CALD1: variants seen among roughly 807,000 people sequenced by gnomAD.
CALD1 encodes caldesmon.
Under a neutral mutation model 99.9 loss-of-function variants are expected in CALD1, and 33 were observed. The observed-to-expected ratio is 0.33, with a 90% CI of 0.25 to 0.44. CALD1 has a LOEUF of 0.44. Among genes scored for constraint, CALD1 ranks in the 20% least tolerant of loss-of-function variants. The pLI, the probability that CALD1 is intolerant of heterozygous loss-of-function variation, is 1.00. For missense variants in CALD1, 861 were observed against 962.1 expected (o/e 0.89, Z 1.39); for synonymous variants, 310 against 325.0 (o/e 0.95, Z 0.50).
chr7:134,947,411 A>T, intron 7 of CALD1, 97 bp from the exon 8 acceptor site: 1 of 1,254,070 alleles, frequency 8.0e-7, no homozygotes, highest in Non-Finnish European at 1.1e-6. Context: ...GTGGGTATTT[A>T]GTCGGGGATG....
chr7:134,881,668 C>G (rs898806083), intron 3 of CALD1, among the ~76,000 whole-genome samples: 1 of 152,194 alleles, frequency 6.6e-6, no homozygotes, highest in Non-Finnish European at 1.5e-5. Context: ...GGAATTTTCA[C>G]ACTTCTAACC....
intron 1 of CALD1, among the ~76,000 whole-genome samples, chr7:134,784,458 A>T (rs1585923798): frequency 6.6e-6 from 1 of 152,376 alleles, no homozygotes; most frequent in East Asian, 1.9e-4. Context: ...CAGGAGGACC[A>T]GTCTAAGCCA....
chr7:134,961,339 T>C (rs1808248172), intron 13 of CALD1: 1 of 152,238 alleles, frequency 6.6e-6, no homozygotes, highest in Admixed American at 6.5e-5. Flanking sequence ...AGCTCCCCAC[T>C]GTATATTGCT....
chr7:134,812,061 G>A (rs960680635), intron 1 of CALD1, among the ~76,000 whole-genome samples: 1 of 152,162 alleles, frequency 6.6e-6, no homozygotes, highest in Non-Finnish European at 1.5e-5. Context: ...TTATGTTTAA[G>A]GGACTTAAGG....
chr7:134,808,839 A>G (rs1265092362), intron 1 of CALD1, among the ~76,000 whole-genome samples: 5 of 152,222 alleles, frequency 3.3e-5, no homozygotes, highest in African/African-American at 2.4e-5. Context: ...CCTAGGGTGC[A>G]GATTAGAATT....
At chr7:134,764,920 T>C (rs1028097789) in intron 1 of CALD1, among the ~76,000 whole-genome samples, 1 of 152,158 alleles carries the variant, frequency 6.6e-6, no homozygotes. Context: ...AGCAGAGGGA[T>C]GATTATTGAT....
intron 3 of CALD1, among the ~76,000 whole-genome samples, chr7:134,876,192 G>A (rs1801342407): frequency 3.3e-5 from 5 of 152,148 alleles, no homozygotes; most frequent in Admixed American, 1.3e-4. Flanking sequence ...ACCTCCGTCC[G>A]CAGACCTCCT....
chr7:134,803,270 T>G (rs920845156), intron 1 of CALD1, among the ~76,000 whole-genome samples: 1 of 152,182 alleles, frequency 6.6e-6, no homozygotes, highest in African/African-American at 2.4e-5. Flanking sequence ...TTATACTTTC[T>G]GGATACAAGT....
intron 4 of CALD1, among the ~76,000 whole-genome samples, chr7:134,931,789 A>T (rs1237137012): frequency 6.6e-6 from 1 of 152,210 alleles, no homozygotes; most frequent in Non-Finnish European, 1.5e-5. Flanking sequence ...TTTAAAATAA[A>T]TGTCAAATTT....
intron 3 of CALD1, among the ~76,000 whole-genome samples, chr7:134,913,288 GCT>G (rs1281344672): frequency 6.6e-6 from 1 of 151,976 alleles, no homozygotes; most frequent in African/African-American, 2.4e-5. Flanking sequence ...AAAAAATTAG[GCT>G]ATGACTGTCA....
chr7:134,784,586 A>C (rs1270082614), intron 1 of CALD1, among the ~76,000 whole-genome samples: 2 of 152,262 alleles, frequency 1.3e-5, no homozygotes, highest in Admixed American at 1.3e-4. Flanking sequence ...TGGATGAATA[A>C]GGTGAAGTCT....
intron 1 of CALD1, among the ~76,000 whole-genome samples, chr7:134,748,447 C>T (rs542495477): frequency 2.0e-5 from 3 of 152,212 alleles, no homozygotes; most frequent in Admixed American, 1.3e-4. Flanking sequence ...CACTGGCTCA[C>T]GCCTATAATC....
intron 8 of CALD1, among the ~76,000 whole-genome samples, chr7:134,948,565 A>G (rs762594620): frequency 6.6e-6 from 1 of 152,186 alleles, no homozygotes; most frequent in Non-Finnish European, 1.5e-5. Flanking sequence ...AGTTTGAGTG[A>G]CTTATTTGAA....
rs1028611790 is a variant in CALD1 at position 134,783,948 on chromosome 7, C to T, written c.-130+4199C>T. 2.0e-5 allele frequency among the ~76,000 whole-genome samples: 3 copies of T among 151,966 alleles called. No individual in the cohort carries two copies. Among genetic ancestry groups the T allele is most frequent in the African/African-American group, 4.8e-5 (2 of 41,366 alleles). ...AAGAAGCAATTTTCTATGGGGAGCT[C>T]GTGGGGGCTAGAGAAATCCAGGAAT... is the stretch of plus-strand genomic sequence containing the variant. On this transcript the variant is annotated intron_variant, in intron 1 of 14. Coordinates refer to ENST00000361675, the MANE Select transcript of CALD1 (RefSeq NM_033138.4). The surrounding 1 kb of genome is among the most constrained non-coding windows in gnomAD (Gnocchi z 4.3).
intron 13 of CALD1, chr7:134,962,515 T>C: frequency 4.2e-6 from 1 of 239,082 alleles, no homozygotes; most frequent in Non-Finnish European, 8.5e-6. Context: ...TAGATTTTAG[T>C]GAGATCCTTC....
At chr7:134,726,018 C>G in the CALD1 span, among the ~76,000 whole-genome samples, 4 of 152,104 alleles carry the variant, frequency 2.6e-5, no homozygotes, top group African/African-American at 9.7e-5. Flanking sequence ...TTGTTTTAAG[C>G]TACTAAATTT....
At chr7:134,931,740 G>A (rs1805536550) in intron 4 of CALD1, among the ~76,000 whole-genome samples, 1 of 152,188 alleles carries the variant, frequency 6.6e-6, no homozygotes, top group South Asian at 2.1e-4. Context: ...TGAGGGAGGT[G>A]ATGGACAACA....
At chr7:134,918,554 A>C (rs564890558) in intron 3 of CALD1, among the ~76,000 whole-genome samples, 2 of 152,338 alleles carry the variant, frequency 1.3e-5, no homozygotes, top group South Asian at 4.1e-4. Flanking sequence ...TAATTCAGAG[A>C]TCTTAAAATT....
intron 3 of CALD1, among the ~76,000 whole-genome samples, chr7:134,897,188 G>A (rs1237358857): frequency 6.6e-6 from 1 of 152,032 alleles, no homozygotes; most frequent in Non-Finnish European, 1.5e-5. Flanking sequence ...GAATACTGCT[G>A]TACTGACTGA....
Sources: gnomAD v4.1 joint callset for allele counts (sites outside exome capture counted in the v4.1 genomes callset) on GRCh38, gnomAD v4.1.1 for gene constraint, Gnocchi (gnomAD v3.1) non-coding constraint, MANE v1.5 for transcripts, NCBI Gene and HGNC (gene_info 2026-07-23, HGNC 2026-07-21) for gene names.